The following TP53I11 variants were observed in gnomAD, a reference collection of about 807,000 sequenced individuals.
TP53I11 encodes the protein tumor protein p53-inducible protein 11.
Under a neutral mutation model 23.3 loss-of-function variants are expected in TP53I11, and 9 were observed. The ratio of observed to expected loss-of-function variants is 0.39; its 90% CI spans 0.23 to 0.67. TP53I11 has a LOEUF of 0.67. Ranked by LOEUF, TP53I11 falls within the 30% of genes least tolerant of loss-of-function variation. The pLI is 0.48. For missense variants in TP53I11, 170 were observed against 255.2 expected (o/e 0.67, Z 2.27); for synonymous variants, 100 against 106.1 (o/e 0.94, Z 0.35).
chr11:44,935,831 G>A (rs919182467), intron 5 of TP53I11, 169 bp from the exon 6 acceptor site: 13 of 616,960 alleles, frequency 2.1e-5, no homozygotes, highest in African/African-American at 1.1e-4. Context: ...GTCTGTCCCC[G>A]ATCCTGTCCC....
intron 5 of TP53I11, 133 bp from the exon 6 acceptor site, chr11:44,935,795 C>A: frequency 1.5e-6 from 1 of 645,830 alleles, no homozygotes; most frequent in South Asian, 1.8e-5. Context: ...GCCTCCGCCC[C>A]TATTCACATT....
intron 1 of TP53I11, chr11:44,940,794 C>T (rs1452638797): frequency 6.6e-6 from 1 of 152,218 alleles, no homozygotes; most frequent in Non-Finnish European, 1.5e-5. Context: ...TGGTACATCC[C>T]TGTTGGACTT....
chr11:44,945,498 G>C (rs1041543619), intron 1 of TP53I11, among the ~76,000 whole-genome samples: 1 of 151,996 alleles, frequency 6.6e-6, no homozygotes, highest in Non-Finnish European at 1.5e-5. Context: ...GTGGGGGTGG[G>C]GGGGCGTTTG....
chr11:44,945,757 G>A (rs746340150), intron 1 of TP53I11, among the ~76,000 whole-genome samples: 24 of 152,204 alleles, frequency 1.6e-4, no homozygotes, highest in Admixed American at 6.5e-5. Flanking sequence ...CTGGCAGTGA[G>A]AGCCAGAGCC....
chr11:44,938,121 C>A, intron 2 of TP53I11, 86 bp downstream of exon 2: 3 of 1,467,932 alleles, frequency 2.0e-6, no homozygotes. Context: ...CCTGCGGCTA[C>A]CTGGGCCTGG....
At position 44,943,991 on chromosome 11, in the gene TP53I11, G is replaced by A. The variant is rs376391338; in HGVS notation, c.-31-5625C>T. Among the ~76,000 whole-genome samples the A allele has an allele frequency of 6.9e-4, 105 of 152,292 alleles. 1 individual carries two copies. The highest frequency in any genetic ancestry group is 2.4e-3 in the African/African-American group (100 of 41,554). On this transcript the variant is annotated intron_variant, in intron 1 of 6. Coordinates refer to ENST00000525680, the MANE Select transcript of TP53I11 (RefSeq NM_006034.5). ...GAAGCTGGTGGCATAGGGCAGGAAA[G>A]GGCTTTCCAATTAGGCAGAACTGGG...
chr11:44,946,624 T>C (rs1355396750), intron 1 of TP53I11, among the ~76,000 whole-genome samples: 1 of 152,208 alleles, frequency 6.6e-6, no homozygotes, highest in East Asian at 1.9e-4. Flanking sequence ...TCCAGGAACA[T>C]GTGCCCTGAG....
Position 44,934,947 on chromosome 11 carries a change from G to A in TP53I11, c.507C>T (p.Leu169=). ...AGTAAATGCTGATGACGACAAAAAG[G>A]AGGCGGCTGACCAGGAGCAGCAGGA... ...LGILLLLVSR[L]LFVVISIYYY... is the part of the protein sequence containing the mutation. The change falls in exon 7 of 7, where the codon CTC becomes CTT. Residue 169 remains leucine (L), a synonymous_variant. Coordinates refer to ENST00000525680, the MANE Select transcript of TP53I11 (RefSeq NM_006034.5). 1 of 1,614,148 alleles carries A rather than the reference G, an allele frequency of 6.2e-7. No homozygotes were observed. Among genetic ancestry groups the A allele is most frequent in the Non-Finnish European group, 8.5e-7 (1 of 1,180,012 alleles).
rs1048446259 is a variant in TP53I11, at chr11:44,935,694, T to C, written c.335-32A>G. 4.4e-5 allele frequency: 30 copies of C among 675,650 alleles called. No homozygotes were observed. The Admixed American group carries it at 5.5e-4, about 12-fold the overall frequency. The allele number at this position is 675,650 out of a possible 1,614,324, so 41.9% of individuals were successfully genotyped here. A position where few individuals can be genotyped will look rare whatever the true frequency, so the allele number is the denominator to read the frequency against. ...CGGGGGATGAAAAGGGGGCTGGGGG[T>C]GGGACAGCTGACTCCCTCCCAGCAG... is the stretch of plus-strand genomic sequence containing the variant. On this transcript the variant is annotated intron_variant, in intron 5 of 6. Transcript: ENST00000525680.
chr11:44,938,922 C>T (rs1238498488), intron 1 of TP53I11, among the ~76,000 whole-genome samples: 1 of 152,166 alleles, frequency 6.6e-6, no homozygotes, highest in African/African-American at 2.4e-5. Flanking sequence ...TCATACCCAG[C>T]AGAGCCAGAG....
rs983743335 is a variant in TP53I11 at position 44,937,129 on chromosome 11, T to C, written c.237+175A>G. The C allele has an allele frequency of 3.5e-6, 3 of 849,976 alleles. No individual in the cohort carries two copies. The South Asian group carries it at 4.4e-5, about 12-fold the overall frequency. The allele number at this position is 849,976 out of a possible 1,614,324, so 52.7% of individuals were successfully genotyped here. The stretch of plus-strand genomic sequence containing the variant: ...CAAACCATGGGATCTAGTGTGCTCC[T>C]GGAGAAGGCACAGGCGTGGCAGTGT... On this transcript the variant is annotated intron_variant, in intron 4 of 6. Transcript: ENST00000525680.
At chr11:44,945,343 T>C (rs1001837341) in intron 1 of TP53I11, among the ~76,000 whole-genome samples, 1 of 152,154 alleles carries the variant, frequency 6.6e-6, no homozygotes, top group Non-Finnish European at 1.5e-5. Context: ...ATCACCCCCA[T>C]CTTACACATG....
At chr11:44,946,636 T>C (rs11038222) in intron 1 of TP53I11, among the ~76,000 whole-genome samples, 47,865 of 152,144 alleles carry the variant, frequency 0.31, 9,061 homozygotes, top group Non-Finnish European at 0.42. Flanking sequence ...TGCCCTGAGA[T>C]CTGGTAGTGG....
intron 2 of TP53I11, 68 bp downstream of exon 2, chr11:44,938,139 T>A: frequency 2.6e-6 from 4 of 1,527,318 alleles, no homozygotes; most frequent in Non-Finnish European, 2.6e-6. Context: ...TGGGCTAACC[T>A]TCTCCCCTAA....
At chr11:44,941,565 G>A (rs1189613458) in intron 1 of TP53I11, among the ~76,000 whole-genome samples, 1 of 152,122 alleles carries the variant, frequency 6.6e-6, no homozygotes, top group Non-Finnish European at 1.5e-5. Flanking sequence ...GGAAAATAAG[G>A]TGTCCTATCT....
Position 44,936,624 on chromosome 11 carries a change from G to A in TP53I11, c.334+179C>T, listed in dbSNP as rs1861138357. The A allele has an allele frequency of 7.5e-7, 1 of 1,337,016 alleles. No individual in the cohort carries two copies. Among genetic ancestry groups the A allele is most frequent in the Non-Finnish European group, 9.6e-7 (1 of 1,044,180 alleles). 82.8% of individuals were successfully genotyped at this position (1,337,016 alleles called of 1,614,324 possible). A position where few individuals can be genotyped will look rare whatever the true frequency, so the allele number is the denominator to read the frequency against. On this transcript the variant is annotated intron_variant, in intron 5 of 6. Transcript: ENST00000525680. This position sits in a 1 kb window ranked among gnomAD's most constrained non-coding sequence, Gnocchi z 4.4. ...AACCCACTGGGTGTATTCCACCAATGGCCACAAGATGGCAGCACATCCCCA... is the reference window on the plus strand; with the variant it reads ...AACCCACTGGGTGTATTCCACCAATAGCCACAAGATGGCAGCACATCCCCA...
At chr11:44,941,050 T>G (rs1011812513) in intron 1 of TP53I11, 1 of 152,248 alleles carries the variant, frequency 6.6e-6, no homozygotes, top group Non-Finnish European at 1.5e-5. Context: ...TTTCCTCATC[T>G]GTGAAATGGA....
intron 1 of TP53I11, among the ~76,000 whole-genome samples, chr11:44,949,153 T>C (rs1565133658): frequency 6.6e-6 from 1 of 152,280 alleles, no homozygotes; most frequent in African/African-American, 2.4e-5. Flanking sequence ...ATAGTCTTAT[T>C]TCCTAACAAC....
rs527685846 is a variant in TP53I11 at position 44,942,499 on chromosome 11, G to A, written c.-31-4133C>T. ...AGCATTCCCCTCTGCATCCCAGGACGGAGTCAACAACAGCTGCTGCAAATC... is the reference window on the plus strand; with the variant it reads ...AGCATTCCCCTCTGCATCCCAGGACAGAGTCAACAACAGCTGCTGCAAATC... On this transcript the variant is annotated intron_variant, in intron 1 of 6. Coordinates refer to ENST00000525680, the MANE Select transcript of TP53I11 (RefSeq NM_006034.5). 3.2e-4 allele frequency among the ~76,000 whole-genome samples: 48 copies of A among 151,196 alleles called. 1 individual carries two copies. Among genetic ancestry groups the A allele is most frequent in the Admixed American group, 7.9e-4 (12 of 15,230 alleles).
Sources: allele counts gnomAD v4.1 joint callset (sites outside exome capture counted in the v4.1 genomes callset), GRCh38; gene constraint gnomAD v4.1.1; non-coding constraint Gnocchi (gnomAD v3.1); transcripts MANE v1.5; gene names NCBI Gene and HGNC (gene_info 2026-07-23, HGNC 2026-07-21).